The following NLK variants were observed in gnomAD, a reference collection of about 807,000 sequenced individuals.
NLK encodes the protein nemo like kinase.
Under a neutral mutation model 59.0 loss-of-function variants are expected in NLK, and 11 were observed. The ratio of observed to expected loss-of-function variants is 0.19; its 90% CI spans 0.12 to 0.31. The LOEUF is 0.31. Among genes scored for constraint, NLK ranks in the 10% least tolerant of loss-of-function variants. The pLI is 1.00. For synonymous variants in NLK, 235 were observed against 235.9 expected (o/e 1.00, Z 0.03); for missense variants, 410 against 661.1 (o/e 0.62, Z 4.16).
intron 1 of NLK, among the ~76,000 whole-genome samples, chr17:28,054,139 A>T (rs1343198114): frequency 6.6e-6 from 1 of 152,202 alleles, no homozygotes; most frequent in African/African-American, 2.4e-5. Flanking sequence ...AAGCTATAAA[A>T]ATTGGCAAGT....
rs1298887472 is a variant in NLK at position 28,149,587 on chromosome 17, T to C, written c.645-11573T>C. Among the ~76,000 whole-genome samples, 8 of 152,338 alleles carry C rather than the reference T, an allele frequency of 5.3e-5. No homozygotes were observed. In the East Asian group the frequency reaches 1.5e-3, roughly 29 times the overall value. On this transcript the variant is annotated intron_variant, in intron 3 of 10. Transcript: ENST00000407008. ...AGATTTATCTCTTTAGAAGAATATA[T>C]CTTTGTTGTGCAACTTTGTTGCTCT...
chr17:28,204,332 G>A, the NLK span, among the ~76,000 whole-genome samples: 3 of 152,150 alleles, frequency 2.0e-5, no homozygotes, highest in Non-Finnish European at 4.4e-5. Context: ...ATGTGTTGTG[G>A]ACAGGGCCTG....
intron 1 of NLK, among the ~76,000 whole-genome samples, chr17:28,114,738 G>A (rs1185220963): frequency 2.0e-5 from 3 of 152,174 alleles, no homozygotes; most frequent in Admixed American, 2.0e-4. Context: ...ATAGTGTGGA[G>A]TAGGTTTGGA....
intron 8 of NLK, among the ~76,000 whole-genome samples, chr17:28,189,968 CA>C (rs1327151751): frequency 6.6e-6 from 1 of 152,104 alleles, no homozygotes; most frequent in Non-Finnish European, 1.5e-5. Flanking sequence ...TAGCAAAAAT[CA>C]GTGATAAAAG....
intron 1 of NLK, among the ~76,000 whole-genome samples, chr17:28,083,340 T>C (rs572221841): frequency 2.0e-5 from 3 of 152,298 alleles, no homozygotes; most frequent in East Asian, 3.9e-4. Context: ...GTGGAGACTT[T>C]GATTACTTTT....
At chr17:28,172,487 ACTAT>A in intron 6 of NLK, 26 bp from the exon 7 acceptor site, 2 of 1,424,656 alleles carry the variant, frequency 1.4e-6, no homozygotes, top group South Asian at 1.4e-5. Context: ...CCATGAGATT[ACTAT>A]CTATCTGTAT....
intron 1 of NLK, among the ~76,000 whole-genome samples, chr17:28,089,405 G>GT: frequency 1.3e-5 from 2 of 150,762 alleles, no homozygotes; most frequent in Middle Eastern, 6.9e-3. Context: ...TGAATTAATA[G>GT]TTCATTCCTT....
intron 7 of NLK, 94 bp downstream of exon 7, chr17:28,172,712 G>A (rs1908514076): frequency 3.5e-6 from 2 of 579,192 alleles, no homozygotes; most frequent in Admixed American, 4.3e-5. Flanking sequence ...TTAAGCAAAT[G>A]TATTATCTGT....
intron 1 of NLK, among the ~76,000 whole-genome samples, chr17:28,062,861 G>A (rs1047716352): frequency 2.0e-5 from 3 of 152,090 alleles, no homozygotes; most frequent in African/African-American, 4.8e-5. Context: ...GATTACAGGC[G>A]TGAGCCACTG....
At chr17:28,075,800 T>G (rs866564767) in intron 1 of NLK, among the ~76,000 whole-genome samples, 1 of 152,160 alleles carries the variant, frequency 6.6e-6, no homozygotes, top group East Asian at 1.9e-4. Context: ...TTTTTCCCCC[T>G]TCCTCAAACC....
At chr17:28,159,306 C>T (rs1907910304) in intron 3 of NLK, among the ~76,000 whole-genome samples, 1 of 152,108 alleles carries the variant, frequency 6.6e-6, no homozygotes, top group Non-Finnish European at 1.5e-5. Context: ...ATAATTTGGC[C>T]TTCATCCTAA....
chr17:28,110,308 A>G (rs1363531838), intron 1 of NLK, among the ~76,000 whole-genome samples: 1 of 152,064 alleles, frequency 6.6e-6, no homozygotes, highest in Non-Finnish European at 1.5e-5. Context: ...TGCTTTCTCC[A>G]CTAAAATATG....
At chr17:28,179,994 G>T (rs1212766725) in intron 7 of NLK, among the ~76,000 whole-genome samples, 2 of 150,068 alleles carry the variant, frequency 1.3e-5, no homozygotes, top group African/African-American at 4.9e-5. Flanking sequence ...AATGGCTGGT[G>T]AGTTAGTGGG....
chr17:28,104,963 T>G (rs1194100800), intron 1 of NLK, among the ~76,000 whole-genome samples: 1 of 152,240 alleles, frequency 6.6e-6, no homozygotes, highest in Non-Finnish European at 1.5e-5. Context: ...ACACTGAAAC[T>G]GTTGCATTAT....
At chr17:28,155,632 G>T (rs1257025340) in intron 3 of NLK, among the ~76,000 whole-genome samples, 1 of 152,162 alleles carries the variant, frequency 6.6e-6, no homozygotes, top group African/African-American at 2.4e-5. Flanking sequence ...CCTTTGCAGG[G>T]CCATGGATGA....
In NLK at chr17:28,185,282, T is replaced by C. The variant is rs1454089046; in HGVS notation, c.1236+17T>C. 5 of 1,428,370 alleles carry C rather than the reference T, an allele frequency of 3.5e-6. No individual in the cohort carries two copies. In the African/African-American group the frequency reaches 7.2e-5, roughly 21 times the overall value. 88.5% of individuals were successfully genotyped at this position (1,428,370 alleles called of 1,614,324 possible). A position where few individuals can be genotyped will look rare whatever the true frequency, so the allele number is the denominator to read the frequency against. On this transcript the variant is annotated intron_variant, in intron 8 of 10. Transcript: ENST00000407008. ...TTTGATCCAGTAAGTAGTGTTTTTT[T>C]TTATATATTTTTAATGAATTACAAA...
intron 3 of NLK, among the ~76,000 whole-genome samples, chr17:28,142,328 G>T (rs1907037628): frequency 6.6e-6 from 1 of 152,062 alleles, no homozygotes; most frequent in South Asian, 2.1e-4. Context: ...ATCTGCCTTT[G>T]CCTGGGAAAG....
In NLK at chr17:28,185,274, T is replaced by C; in HGVS notation, c.1236+9T>C. 4.7e-6 allele frequency: 7 copies of C among 1,503,790 alleles called. No homozygotes were observed. Among genetic ancestry groups the C allele is most frequent in the Non-Finnish European group, 6.3e-6 (7 of 1,111,302 alleles). 93.2% of individuals were successfully genotyped at this position (1,503,790 alleles called of 1,614,324 possible). A position where few individuals can be genotyped will look rare whatever the true frequency, so the allele number is the denominator to read the frequency against. On this transcript the variant is annotated intron_variant, in intron 8 of 10. Coordinates refer to ENST00000407008, the MANE Select transcript of NLK (RefSeq NM_016231.5). ...TGTTGGTCTTTGATCCAGTAAGTAG[T>C]GTTTTTTTTTATATATTTTTAATGA...
chr17:28,154,270 A>G (rs934984606), intron 3 of NLK, among the ~76,000 whole-genome samples: 1 of 152,188 alleles, frequency 6.6e-6, no homozygotes, highest in African/African-American at 2.4e-5. Flanking sequence ...ATTGGTTGCA[A>G]GCCTGTTTAA....
Sources: gnomAD v4.1 joint callset for allele counts (sites outside exome capture counted in the v4.1 genomes callset) on GRCh38, gnomAD v4.1.1 for gene constraint, MANE v1.5 for transcripts, NCBI Gene and HGNC (gene_info 2026-07-23, HGNC 2026-07-21) for gene names.